The following SYNE1 variants were observed in gnomAD, a reference collection of about 807,000 sequenced individuals.
The protein encoded by SYNE1 is nesprin-1.
Under a neutral mutation model 1,111.0 loss-of-function variants are expected in SYNE1, and 616 were observed. That is an observed-to-expected ratio of 0.55 (90% CI 0.52 to 0.59). SYNE1 has a LOEUF of 0.59. SYNE1 is among the 20% of genes least tolerant of loss of function. The probability of loss-of-function intolerance (pLI) is 0.00; values close to 1 mark genes in which losing one functional copy is unlikely to be tolerated. For missense variants in SYNE1, 10,006 were observed against 10,417.0 expected, an observed-to-expected ratio of 0.96 and a Z score of 1.72; for synonymous variants, 3,855 against 3,825.8, an observed-to-expected ratio of 1.01 and a Z score of -0.28.
At chr6:152,432,950 T>A (rs1020189576) in intron 34 of SYNE1, among the ~76,000 whole-genome samples, 1 of 152,226 alleles carries the variant, frequency 6.6e-6, no homozygotes, top group African/African-American at 2.4e-5. Context: ...CAGCGGGTAA[T>A]CTTATCTGAG....
chr6:152,513,005 C>T (rs1028271588), intron 6 of SYNE1, among the ~76,000 whole-genome samples: 7 of 152,114 alleles, frequency 4.6e-5, no homozygotes, highest in African/African-American at 7.2e-5. Flanking sequence ...GCAGCAAGCA[C>T]GTCACCTGGA....
intron 140 of SYNE1, 71 bp from the exon 141 acceptor site, chr6:152,136,889 A>G (rs2057214427): frequency 6.5e-7 from 1 of 1,544,216 alleles, no homozygotes; most frequent in Non-Finnish European, 8.9e-7. Flanking sequence ...AAAATGTTTC[A>G]CATGAATGAA....
chr6:152,194,931 A>AT (rs202034533), intron 127 of SYNE1, among the ~76,000 whole-genome samples: 9,839 of 151,110 alleles, frequency 0.065, 376 homozygotes, highest in African/African-American at 0.11. Flanking sequence ...TTTATTTTTT[A>AT]TTTTTTTGAG....
At chr6:152,163,453 C>G (rs1311826345) in intron 131 of SYNE1, among the ~76,000 whole-genome samples, 2 of 147,620 alleles carry the variant, frequency 1.4e-5, no homozygotes, top group Non-Finnish European at 3.0e-5. Flanking sequence ...GAGCTGAGAT[C>G]GCACTACTAC....
At chr6:152,198,984 TAAA>T (rs61232469) in intron 127 of SYNE1, among the ~76,000 whole-genome samples, 30,502 of 135,296 alleles carry the variant, frequency 0.23, 3,211 homozygotes, top group Middle Eastern at 0.31. Context: ...CTTCAATTTG[TAAA>T]AAAAAAAAAA....
intron 3 of SYNE1, among the ~76,000 whole-genome samples, chr6:152,605,026 GAGAGAGAGAGGGA>G (rs1565141202): frequency 1.4e-5 from 1 of 73,248 alleles, no homozygotes; most frequent in Non-Finnish European, 2.6e-5. Flanking sequence ...GAGAGAGAGA[GAGAGAGAGAGGGA>G]GGGAGGGAGG....
intron 3 of SYNE1, among the ~76,000 whole-genome samples, chr6:152,551,812 GGAT>G (rs1314942265): frequency 6.6e-6 from 1 of 152,126 alleles, no homozygotes; most frequent in African/African-American, 2.4e-5. Flanking sequence ...CTGATCTCTT[GGAT>G]GAAAGGTTAT....
chr6:152,320,706 A>G (rs2153913283), intron 84 of SYNE1, among the ~76,000 whole-genome samples: 1 of 152,268 alleles, frequency 6.6e-6, no homozygotes, highest in African/African-American at 2.4e-5. Context: ...TTATGTTTCT[A>G]TTTACTCTTT....
chr6:152,386,582 T>C (rs888308133), intron 54 of SYNE1, among the ~76,000 whole-genome samples: 1 of 152,164 alleles, frequency 6.6e-6, no homozygotes, highest in Non-Finnish European at 1.5e-5. Flanking sequence ...GAAAGATTCA[T>C]ATAGAGAATT....
intron 115 of SYNE1, among the ~76,000 whole-genome samples, chr6:152,226,687 T>G (rs1191763416): frequency 6.6e-6 from 1 of 152,192 alleles, no homozygotes; most frequent in Admixed American, 6.5e-5. Context: ...ATCAACATTT[T>G]ATAAATAAAT....
chr6:152,141,388 C>G, intron 138 of SYNE1, 59 bp from the exon 139 acceptor site: 1 of 1,607,406 alleles, frequency 6.2e-7, no homozygotes, highest in Non-Finnish European at 8.5e-7. Flanking sequence ...GCAAAAGCTT[C>G]CGGGGAAAAT....
chr6:152,307,445 T>C (rs2095414383), intron 91 of SYNE1, among the ~76,000 whole-genome samples: 1 of 152,192 alleles, frequency 6.6e-6, no homozygotes, highest in African/African-American at 2.4e-5. Context: ...TGGAAGGATA[T>C]ATTCCATATA....
At chr6:152,500,823 C>T (rs1010886924) in intron 10 of SYNE1, among the ~76,000 whole-genome samples, 2 of 151,550 alleles carry the variant, frequency 1.3e-5, no homozygotes, top group Non-Finnish European at 2.9e-5. Flanking sequence ...TGGTGGCGGG[C>T]GCCTGTAGTC....
At chr6:152,285,665 C>T (rs1037363566) in intron 95 of SYNE1, among the ~76,000 whole-genome samples, 10 of 152,284 alleles carry the variant, frequency 6.6e-5, no homozygotes, top group African/African-American at 9.6e-5. Flanking sequence ...AAACTCTTCC[C>T]GCTCTGTGTG....
In SYNE1 at chr6:152,269,351, G is replaced by A; in HGVS notation, c.18574-65C>T. 1.9e-6 allele frequency: 3 copies of A among 1,611,016 alleles called. No homozygotes were observed. In the South Asian group the frequency reaches 3.3e-5, roughly 18 times the overall value. On this transcript the variant is annotated intron_variant, in intron 98 of 145. Transcript: ENST00000367255. Reference sequence around the variant, plus strand: ...CGGAAAACCTTAACCAAAGGGGAGAGAAGGCTACTTTGGTGTGATCTATGT... The same window carrying A: ...CGGAAAACCTTAACCAAAGGGGAGAAAAGGCTACTTTGGTGTGATCTATGT...
At chr6:152,572,802 G>T (rs1285305274) in intron 3 of SYNE1, among the ~76,000 whole-genome samples, 1 of 152,164 alleles carries the variant, frequency 6.6e-6, no homozygotes, top group African/African-American at 2.4e-5. Flanking sequence ...TTTGTTCATG[G>T]GTGTTGTGTG....
At position 152,220,214 on chromosome 6, in the gene SYNE1, A is replaced by T. The variant is rs1317218962; in HGVS notation, c.21861+628T>A. ...CTAATTCTAATAAACTGATTTGGAA[A>T]AGTTTATAAAAAGATCCTCGTAACA... is the stretch of plus-strand genomic sequence containing the variant. On this transcript the variant is annotated intron_variant, in intron 119 of 145. Coordinates refer to ENST00000367255, the MANE Select transcript of SYNE1 (RefSeq NM_182961.4). Among the ~76,000 whole-genome samples, 7 of 152,364 alleles carry T rather than the reference A, an allele frequency of 4.6e-5. 1 individual carries two copies. The East Asian group carries it at 1.3e-3, about 29-fold the overall frequency.
chr6:152,365,423 A>G (rs1424691478), intron 62 of SYNE1, among the ~76,000 whole-genome samples: 4 of 152,174 alleles, frequency 2.6e-5, no homozygotes, highest in Non-Finnish European at 4.4e-5. Flanking sequence ...CATGTTCTTC[A>G]TAAGTACTAT....
At chr6:152,585,922 A>C (rs1407434275) in intron 3 of SYNE1, among the ~76,000 whole-genome samples, 1 of 152,058 alleles carries the variant, frequency 6.6e-6, no homozygotes, top group Non-Finnish European at 1.5e-5. Flanking sequence ...GTATGTGTGC[A>C]TGTGTTTGGG....
Sources: allele counts gnomAD v4.1 joint callset (sites outside exome capture counted in the v4.1 genomes callset), GRCh38; gene constraint gnomAD v4.1.1; transcripts MANE v1.5; gene names NCBI Gene and HGNC (gene_info 2026-07-23, HGNC 2026-07-21).